STK3: variants seen among roughly 807,000 people sequenced by gnomAD.
The protein encoded by STK3 is serine/threonine kinase 3.
In STK3, 41 loss-of-function variants were observed where a neutral mutation model predicts 58.0. That is an observed-to-expected ratio of 0.71 (90% CI 0.55 to 0.92). The LOEUF (loss-of-function observed/expected upper bound fraction) is 0.92, where lower values mean the gene tolerates loss of function less well. Among genes scored for constraint, STK3 ranks in the 40% least tolerant of loss-of-function variants. The pLI is 0.00. For synonymous variants in STK3, 170 were observed against 191.0 expected (o/e 0.89, Z 0.91); for missense variants, 479 against 602.7 (o/e 0.79, Z 2.15).
chr8:98,568,063 TGATA>T (rs10528436), intron 8 of STK3, among the ~76,000 whole-genome samples: 41,012 of 146,358 alleles, frequency 0.28, 5,691 homozygotes, highest in Middle Eastern at 0.36. Flanking sequence ...CTTAGATAGA[TGATA>T]GATAGATAGA....
intron 4 of STK3, among the ~76,000 whole-genome samples, chr8:98,743,676 C>G (rs973500791): frequency 6.6e-6 from 1 of 152,064 alleles, no homozygotes; most frequent in Admixed American, 6.5e-5. Flanking sequence ...TAGGCATGGG[C>G]AAGGACTTCA....
upstream of STK3, among the ~76,000 whole-genome samples, chr8:98,388,499 A>C (rs1563589974): frequency 6.6e-6 from 1 of 152,236 alleles, no homozygotes; most frequent in Non-Finnish European, 1.5e-5. Flanking sequence ...ACCACCACTT[A>C]TGAAGTATTC....
chr8:98,907,019 A>T (rs1228212002), intron 1 of STK3, among the ~76,000 whole-genome samples: 2 of 150,574 alleles, frequency 1.3e-5, no homozygotes, highest in Non-Finnish European at 3.0e-5. Context: ...TTAGCCAGGC[A>T]TGGTGGTATG....
chr8:98,893,699 G>A (rs1380741214), intron 1 of STK3, among the ~76,000 whole-genome samples: 5 of 152,064 alleles, frequency 3.3e-5, no homozygotes, highest in Non-Finnish European at 7.4e-5. Context: ...ACCAAGAAAG[G>A]TGGTTTTCCT....
chr8:98,577,590 C>T (rs1813513793), intron 8 of STK3, among the ~76,000 whole-genome samples: 1 of 152,158 alleles, frequency 6.6e-6, no homozygotes, highest in Admixed American at 6.6e-5. Flanking sequence ...CCTCTTTGTT[C>T]TCTCTCTTGG....
chr8:98,615,151 C>A (rs1312808142), intron 6 of STK3, among the ~76,000 whole-genome samples: 1 of 151,792 alleles, frequency 6.6e-6, no homozygotes, highest in Non-Finnish European at 1.5e-5. Context: ...GGGTCCCTGA[C>A]CCCTGACCCC....
At chr8:98,512,526 T>G (rs1240367755) in intron 10 of STK3, among the ~76,000 whole-genome samples, 1 of 152,180 alleles carries the variant, frequency 6.6e-6, no homozygotes, top group African/African-American at 2.4e-5. Flanking sequence ...CAGTATGCAC[T>G]TAATAAAATA....
intron 3 of STK3, among the ~76,000 whole-genome samples, chr8:98,848,613 T>C (rs1203193198): frequency 1.3e-5 from 2 of 152,248 alleles, no homozygotes; most frequent in Non-Finnish European, 2.9e-5. Context: ...AATGTGGTGC[T>C]TTGTGACTGG....
chr8:98,728,331 G>C (rs536167286), intron 4 of STK3, among the ~76,000 whole-genome samples: 3 of 152,144 alleles, frequency 2.0e-5, no homozygotes, highest in Non-Finnish European at 4.4e-5. Flanking sequence ...CATACATTAG[G>C]AAAAATAACT....
chr8:98,777,655 T>C (rs944361867), intron 1 of STK3, among the ~76,000 whole-genome samples: 1 of 152,196 alleles, frequency 6.6e-6, no homozygotes, highest in Admixed American at 6.5e-5. Context: ...GAGTGCATTC[T>C]TAACAGAATA....
chr8:98,785,385 C>G (rs1279957227), intron 1 of STK3, among the ~76,000 whole-genome samples: 1 of 152,174 alleles, frequency 6.6e-6, no homozygotes, highest in Non-Finnish European at 1.5e-5. Flanking sequence ...GCCACCCATC[C>G]CTGTGCAGAG....
chr8:98,446,042 T>C (rs1354049708), intron 1 of STK3, among the ~76,000 whole-genome samples: 1 of 152,232 alleles, frequency 6.6e-6, no homozygotes, highest in Non-Finnish European at 1.5e-5. Flanking sequence ...CTACCCTCAC[T>C]GCTTTAATTG....
chr8:98,602,266 T>C (rs1816412305), intron 6 of STK3: 1 of 152,266 alleles, frequency 6.6e-6, no homozygotes, highest in South Asian at 2.1e-4. Context: ...AACGTGATGG[T>C]ATTAGAAGGT....
At chr8:98,654,913 G>A (rs1821345175) in intron 6 of STK3, among the ~76,000 whole-genome samples, 1 of 152,018 alleles carries the variant, frequency 6.6e-6, no homozygotes, top group South Asian at 2.1e-4. Context: ...TACTGCCCAA[G>A]GTAGTTTATA....
chr8:98,885,938 G>A (rs918818533), intron 1 of STK3, among the ~76,000 whole-genome samples: 3 of 152,134 alleles, frequency 2.0e-5, no homozygotes, highest in African/African-American at 7.2e-5. Flanking sequence ...ATTATGCTAA[G>A]TGGGAAAAAA....
chr8:98,388,844 T>C (rs1817818741), upstream of STK3, among the ~76,000 whole-genome samples: 1 of 152,234 alleles, frequency 6.6e-6, no homozygotes, highest in Non-Finnish European at 1.5e-5. Context: ...GCCATTATAA[T>C]GAAAAATTTA....
chr8:98,699,392 C>T (rs1391856486), intron 6 of STK3, among the ~76,000 whole-genome samples: 13 of 152,216 alleles, frequency 8.5e-5, no homozygotes, highest in Admixed American at 8.5e-4. Flanking sequence ...CAGCTTTGTT[C>T]CATTGCTGGT....
At chr8:98,699,149 C>T (rs556984958) in intron 6 of STK3, among the ~76,000 whole-genome samples, 2,678 of 152,266 alleles carry the variant, frequency 0.018, 70 homozygotes, top group African/African-American at 0.062. Context: ...TCCAGTTGAT[C>T]GCATCGGCTC....
At chr8:98,693,304 G>A (rs1049725029) in intron 6 of STK3, among the ~76,000 whole-genome samples, 5 of 152,062 alleles carry the variant, frequency 3.3e-5, no homozygotes, top group Admixed American at 1.3e-4. Context: ...GGGCTGAGGC[G>A]GGAGGATTGC....
Sources: gnomAD v4.1 joint callset for allele counts (sites outside exome capture counted in the v4.1 genomes callset) on GRCh38, gnomAD v4.1.1 for gene constraint, MANE v1.5 for transcripts, NCBI Gene and HGNC (gene_info 2026-07-23, HGNC 2026-07-21) for gene names.